The following NAALADL2 variants were observed in gnomAD, a reference collection of about 807,000 sequenced individuals.
NAALADL2 encodes the protein inactive N-acetylated-alpha-linked acidic dipeptidase-like protein 2.
NAALADL2 carries 76 observed loss-of-function variants against 87.2 expected under a neutral mutation model. That is an observed-to-expected ratio of 0.87 (90% confidence interval 0.72 to 1.05). The LOEUF (loss-of-function observed/expected upper bound fraction) is 1.05, where lower values mean the gene tolerates loss of function less well. NAALADL2 is among the 50% of genes least tolerant of loss of function. The pLI is 0.00. For missense variants in NAALADL2, 1,089 were observed against 945.8 expected (o/e 1.15, Z -1.99); for synonymous variants, 354 against 331.0 (o/e 1.07, Z -0.75).
At chr3:175,430,343 G>A (rs1488126354) in intron 5 of NAALADL2, among the ~76,000 whole-genome samples, 1 of 151,742 alleles carries the variant, frequency 6.6e-6, no homozygotes, top group Non-Finnish European at 1.5e-5. Flanking sequence ...ACCTATATAT[G>A]TGTGTTAATT....
intron 1 of NAALADL2, among the ~76,000 whole-genome samples, chr3:175,032,293 C>G (rs1363269910): frequency 6.6e-6 from 1 of 151,896 alleles, no homozygotes; most frequent in Non-Finnish European, 1.5e-5. Flanking sequence ...ATTAATAAAT[C>G]TGTGTAATTG....
In NAALADL2 at chr3:175,297,240, G is replaced by A. The variant is rs531270006; in HGVS notation, c.940-26935G>A. Among the ~76,000 whole-genome samples, 11 of 152,202 alleles carry A rather than the reference G, an allele frequency of 7.2e-5. No individual in the cohort carries two copies. The South Asian group carries it at 1.4e-3, about 20-fold the overall frequency. ...CTCCTGCTCCTAAACAATAGTTTTC[G>A]GCCAAAAGCCAATAGGTAACTAAGT... On this transcript the variant is annotated intron_variant, in intron 4 of 13. Coordinates refer to ENST00000454872, the MANE Select transcript of NAALADL2 (RefSeq NM_207015.3).
intron 3 of NAALADL2, among the ~76,000 whole-genome samples, chr3:174,842,639 A>G (rs1724152998): frequency 6.6e-6 from 1 of 152,186 alleles, no homozygotes; most frequent in Non-Finnish European, 1.5e-5. Context: ...GGATAGTGTT[A>G]TTCACAGCAG....
chr3:175,781,074 T>G (rs1209819314), intron 13 of NAALADL2, among the ~76,000 whole-genome samples: 2 of 152,242 alleles, frequency 1.3e-5, no homozygotes, highest in Non-Finnish European at 2.9e-5. Flanking sequence ...AGTCAACACT[T>G]ATTTTTAAGA....
intron 8 of NAALADL2, among the ~76,000 whole-genome samples, chr3:175,469,668 G>A (rs551867645): frequency 5.4e-4 from 82 of 152,086 alleles, no homozygotes; most frequent in African/African-American, 1.9e-3. Context: ...GGCTATTGTG[G>A]AAATATTATA....
intron 11 of NAALADL2, among the ~76,000 whole-genome samples, chr3:175,665,659 G>A (rs1443291125): frequency 1.3e-5 from 2 of 152,110 alleles, no homozygotes; most frequent in African/African-American, 2.4e-5. Flanking sequence ...TAGGCTGGGC[G>A]CGATGGCTCA....
chr3:175,745,223 C>T (rs1405911229), intron 12 of NAALADL2, among the ~76,000 whole-genome samples: 2 of 152,166 alleles, frequency 1.3e-5, no homozygotes, highest in African/African-American at 2.4e-5. Context: ...CTTGAAAGCT[C>T]ACTTTGACTG....
At chr3:175,118,755 A>G (rs952640438) in intron 2 of NAALADL2, among the ~76,000 whole-genome samples, 2 of 151,786 alleles carry the variant, frequency 1.3e-5, no homozygotes, top group African/African-American at 4.8e-5. Context: ...TGCTGTAACA[A>G]TATCATGATG....
At chr3:174,954,831 G>A (rs1740922484) in intron 1 of NAALADL2, among the ~76,000 whole-genome samples, 1 of 152,042 alleles carries the variant, frequency 6.6e-6, no homozygotes, top group Admixed American at 6.6e-5. Context: ...CCTTGTAAGA[G>A]AAGTTCATAA....
At chr3:175,577,708 ATGCTTTATAATAAATGACCT>A (rs563585161) in intron 10 of NAALADL2, among the ~76,000 whole-genome samples, 8 of 152,332 alleles carry the variant, frequency 5.3e-5, no homozygotes, top group African/African-American at 1.9e-4. Flanking sequence ...GGAGTCCCCT[ATGCTTTATAATAAATGACCT>A]TGTTGATATT....
chr3:175,406,939 G>A (rs1165811932), intron 5 of NAALADL2, among the ~76,000 whole-genome samples: 1 of 152,034 alleles, frequency 6.6e-6, no homozygotes, highest in Non-Finnish European at 1.5e-5. Flanking sequence ...CCAGCACTTT[G>A]GGAGGCTGAG....
chr3:175,452,716 G>A (rs954582638), intron 6 of NAALADL2, among the ~76,000 whole-genome samples: 4 of 152,130 alleles, frequency 2.6e-5, no homozygotes, highest in African/African-American at 4.8e-5. Context: ...AGCTGATAAC[G>A]GAGTATTCCG....
At chr3:174,673,188 T>C (rs947724542) in intron 2 of NAALADL2, among the ~76,000 whole-genome samples, 3 of 152,072 alleles carry the variant, frequency 2.0e-5, no homozygotes, top group African/African-American at 7.2e-5. Context: ...CACTAAATGC[T>C]TTTTACAAGC....
In NAALADL2 at chr3:175,211,991, T is replaced by C. The variant is rs189361929; in HGVS notation, c.546-21940T>C. Among the ~76,000 whole-genome samples the C allele has an allele frequency of 6.9e-3, 1,053 of 151,708 alleles. 7 individuals carry two copies. The highest frequency in any genetic ancestry group is 0.02 in the South Asian group (96 of 4,814). ...AAACAGCCACATATTAAAAATATCGTATTTTTTTGTCAGGATAGTTGACAT... is the reference window on the plus strand; with the variant it reads ...AAACAGCCACATATTAAAAATATCGCATTTTTTTGTCAGGATAGTTGACAT... On this transcript the variant is annotated intron_variant, in intron 2 of 13. Coordinates refer to ENST00000454872, the MANE Select transcript of NAALADL2 (RefSeq NM_207015.3).
chr3:174,748,103 C>T (rs1158291600), intron 3 of NAALADL2, among the ~76,000 whole-genome samples: 5 of 151,874 alleles, frequency 3.3e-5, no homozygotes, highest in Admixed American at 1.3e-4. Context: ...TAAGTGGGAG[C>T]CCAACAATGA....
At chr3:174,558,796 A>G (rs1355615838) in intron 2 of NAALADL2, among the ~76,000 whole-genome samples, 1 of 152,086 alleles carries the variant, frequency 6.6e-6, no homozygotes, top group Non-Finnish European at 1.5e-5. Flanking sequence ...GCTAGAACGC[A>G]ATTTCATCAG....
intron 11 of NAALADL2, among the ~76,000 whole-genome samples, chr3:175,712,363 A>G (rs915752346): frequency 4.6e-5 from 7 of 152,060 alleles, no homozygotes; most frequent in African/African-American, 1.7e-4. Flanking sequence ...ACAAAACATT[A>G]GACGGTAGTC....
At chr3:175,251,035 C>T (rs963747446) in intron 3 of NAALADL2, among the ~76,000 whole-genome samples, 2 of 152,078 alleles carry the variant, frequency 1.3e-5, no homozygotes, top group Non-Finnish European at 1.5e-5. Flanking sequence ...ATGAGGGAAA[C>T]GAGATTTCTA....
At chr3:174,859,638 A>G (rs1726231259) in intron 1 of NAALADL2, among the ~76,000 whole-genome samples, 188 bp downstream of exon 1, 2 of 152,050 alleles carry the variant, frequency 1.3e-5, no homozygotes, top group Non-Finnish European at 2.9e-5. Context: ...GATTCAGAGG[A>G]AGCATGTTTT....
Sources: gnomAD v4.1 joint callset for allele counts (sites outside exome capture counted in the v4.1 genomes callset) on GRCh38, gnomAD v4.1.1 for gene constraint, MANE v1.5 for transcripts, NCBI Gene and HGNC (gene_info 2026-07-23, HGNC 2026-07-21) for gene names.